The following MAML2 variants were observed in gnomAD, a reference collection of about 807,000 sequenced individuals.
MAML2 encodes mastermind-like protein 2.
In MAML2, 22 loss-of-function variants were observed where a neutral mutation model predicts 96.1. The ratio of observed to expected loss-of-function variants is 0.23; its 90% CI spans 0.16 to 0.33. The LOEUF (loss-of-function observed/expected upper bound fraction) is 0.33. MAML2 is among the 10% of genes least tolerant of loss of function. The pLI is 1.00. For missense variants in MAML2, 1,367 were observed against 1,392.4 expected, an observed-to-expected ratio of 0.98 and a Z score of 0.29; for synonymous variants, 561 against 521.3, an observed-to-expected ratio of 1.08 and a Z score of -1.04.
At chr11:96,282,854 C>T (rs906483563) in intron 1 of MAML2, among the ~76,000 whole-genome samples, 5 of 152,206 alleles carry the variant, frequency 3.3e-5, no homozygotes, top group African/African-American at 4.8e-5. Flanking sequence ...CATCCTCCTC[C>T]TTCTCCCTTC....
chr11:96,045,184 T>C lies in MAML2; in HGVS notation c.2139+46708A>G, dbSNP rs188931321. On this transcript the variant is annotated intron_variant, in intron 2 of 4. Transcript: ENST00000524717. ...TTCCTGTATCTGGTGATTTAGGTCA[T>C]ATGGATGTCCCTGGTCACCCGTACT... Among the ~76,000 whole-genome samples, 5 of 152,340 alleles carry C rather than the reference T, an allele frequency of 3.3e-5. No individual in the cohort carries two copies. The East Asian group carries it at 9.7e-4, about 29-fold the overall frequency.
chr11:96,143,476 T>C (rs895666358), intron 1 of MAML2, among the ~76,000 whole-genome samples: 2 of 152,176 alleles, frequency 1.3e-5, no homozygotes, highest in African/African-American at 2.4e-5. Flanking sequence ...CAATGTCTAG[T>C]TTTATCCGAA....
At chr11:96,098,760 A>G (rs899739218) in intron 1 of MAML2, among the ~76,000 whole-genome samples, 5 of 152,226 alleles carry the variant, frequency 3.3e-5, no homozygotes, top group Admixed American at 2.0e-4. Context: ...GCCTGCCCCA[A>G]CAGCTGGGGT....
chr11:96,335,227 A>T (rs1039367792), intron 1 of MAML2, among the ~76,000 whole-genome samples: 10 of 152,256 alleles, frequency 6.6e-5, no homozygotes, highest in African/African-American at 2.2e-4. Flanking sequence ...AAATAAGTAC[A>T]TCTCAAAGAC....
At chr11:96,223,109 T>C (rs1862162949) in intron 1 of MAML2, among the ~76,000 whole-genome samples, 1 of 152,186 alleles carries the variant, frequency 6.6e-6, no homozygotes, top group African/African-American at 2.4e-5. Flanking sequence ...TAGAATCTAA[T>C]ATTTAGATCA....
intron 1 of MAML2, among the ~76,000 whole-genome samples, chr11:96,135,238 C>T (rs573153815): frequency 2.6e-5 from 4 of 152,308 alleles, no homozygotes; most frequent in East Asian, 1.9e-4. Context: ...TCTTCTACCA[C>T]GGTATGACAC....
intron 1 of MAML2, among the ~76,000 whole-genome samples, chr11:96,143,538 G>A (rs544683002): frequency 9.2e-5 from 14 of 152,208 alleles, no homozygotes; most frequent in South Asian, 2.1e-4. Context: ...TTTAAGAGGC[G>A]GTTTTTTACT....
At chr11:96,004,122 A>T (rs1858139880) in intron 2 of MAML2, among the ~76,000 whole-genome samples, 1 of 152,220 alleles carries the variant, frequency 6.6e-6, no homozygotes, top group African/African-American at 2.4e-5. Flanking sequence ...AAGCAAAAGG[A>T]TATACATTAG....
chr11:96,118,434 C>T (rs748542639), intron 1 of MAML2, among the ~76,000 whole-genome samples: 3 of 152,166 alleles, frequency 2.0e-5, no homozygotes, highest in Non-Finnish European at 4.4e-5. Context: ...GAAAGACGTG[C>T]CTTGCTTCCA....
At chr11:95,995,391 T>G (rs1468894353) in intron 2 of MAML2, among the ~76,000 whole-genome samples, 1 of 152,232 alleles carries the variant, frequency 6.6e-6, no homozygotes, top group Non-Finnish European at 1.5e-5. Context: ...AGCTTTGCTC[T>G]TTGCTGTTCT....
chr11:96,258,816 G>A (rs1004961452), intron 1 of MAML2, among the ~76,000 whole-genome samples: 5 of 152,200 alleles, frequency 3.3e-5, no homozygotes, highest in African/African-American at 1.2e-4. Context: ...ACTATGAGCA[G>A]CATGATGTAC....
intron 1 of MAML2, among the ~76,000 whole-genome samples, chr11:96,262,222 T>C (rs983309936): frequency 6.6e-6 from 1 of 152,244 alleles, no homozygotes; most frequent in Non-Finnish European, 1.5e-5. Context: ...ACGGTTTTTA[T>C]GATAAATGAA....
intron 2 of MAML2, among the ~76,000 whole-genome samples, chr11:96,085,247 T>C (rs1249823089): frequency 1.3e-5 from 2 of 152,168 alleles, no homozygotes; most frequent in Admixed American, 6.5e-5. Flanking sequence ...TCACTGACAT[T>C]ACACTTCTCT....
chr11:96,341,258 A>T, intron 1 of MAML2, 125 bp downstream of exon 1: 1 of 1,102,304 alleles, frequency 9.1e-7, no homozygotes, highest in Non-Finnish European at 1.3e-6. Flanking sequence ...AATGGCCTTT[A>T]AGGTAGTCAG....
intron 3 of MAML2, among the ~76,000 whole-genome samples, chr11:95,987,513 T>C (rs990725161): frequency 2.6e-5 from 4 of 152,204 alleles, no homozygotes; most frequent in Non-Finnish European, 5.9e-5. Flanking sequence ...CGGAGAACAC[T>C]ATAATTATAG....
chr11:96,248,945 T>C (rs1286344065), intron 1 of MAML2, among the ~76,000 whole-genome samples: 7 of 152,222 alleles, frequency 4.6e-5, no homozygotes, highest in Admixed American at 4.6e-4. Flanking sequence ...AAATTGACTA[T>C]GATGGGAATA....
intron 2 of MAML2, among the ~76,000 whole-genome samples, chr11:96,045,095 T>G (rs1858875409): frequency 6.6e-6 from 1 of 150,576 alleles, no homozygotes. Flanking sequence ...TGGGTGGAGA[T>G]GGGGGTGGTG....
chr11:96,166,895 A>G (rs1244712969), intron 1 of MAML2, among the ~76,000 whole-genome samples: 1 of 152,150 alleles, frequency 6.6e-6, no homozygotes, highest in Non-Finnish European at 1.5e-5. Flanking sequence ...TCATGAATAC[A>G]TTCTTAGTCC....
At chr11:96,153,114 G>A (rs1860950019) in intron 1 of MAML2, among the ~76,000 whole-genome samples, 1 of 151,802 alleles carries the variant, frequency 6.6e-6, no homozygotes, top group Admixed American at 6.6e-5. Flanking sequence ...AGATGGTCAA[G>A]GTATAAAATT....
Sources: allele counts gnomAD v4.1 joint callset (sites outside exome capture counted in the v4.1 genomes callset), GRCh38; gene constraint gnomAD v4.1.1; transcripts MANE v1.5; gene names NCBI Gene and HGNC (gene_info 2026-07-23, HGNC 2026-07-21).